Variants in RYR2 observed in about 807,000 individuals in gnomAD.
The protein encoded by RYR2 is cardiac muscle ryanodine receptor-calcium release channel.
In RYR2, 227 loss-of-function variants were observed where a neutral mutation model predicts 601.1. The observed-to-expected ratio is 0.38, with a 90% confidence interval of 0.34 to 0.42. RYR2 has a LOEUF of 0.42. Ranked by LOEUF, RYR2 falls within the 10% of genes least tolerant of loss-of-function variation. The pLI is 1.00. For missense variants in RYR2, 4,646 were observed against 6,156.5 expected (o/e 0.75, Z 8.21); for synonymous variants, 2,223 against 2,175.1 (o/e 1.02, Z -0.61).
chr1:237,621,284 A>C (rs1353545525), intron 38 of RYR2, among the ~76,000 whole-genome samples: 1 of 152,168 alleles, frequency 6.6e-6, no homozygotes, highest in Non-Finnish European at 1.5e-5. Flanking sequence ...AATTTCTAAC[A>C]CTCAATGCTT....
chr1:237,696,539 A>C (rs1260784746), intron 63 of RYR2, among the ~76,000 whole-genome samples: 1 of 79,916 alleles, frequency 1.3e-5, no homozygotes, highest in East Asian at 2.7e-4. Context: ...TGCACTGCAG[A>C]CTTTTTTTTT....
intron 58 of RYR2, among the ~76,000 whole-genome samples, chr1:237,669,418 T>G (rs1462739977): frequency 1.1e-4 from 16 of 150,984 alleles, no homozygotes; most frequent in South Asian, 8.5e-4. Flanking sequence ...GGTGGTGGCC[T>G]GGCAGAGGGG....
At position 237,314,230 on chromosome 1, in the gene RYR2, A is replaced by T. The variant is rs185111647; in HGVS notation, c.169-16648A>T. On this transcript the variant is annotated intron_variant, in intron 2 of 104. Transcript: ENST00000366574. ...CAGGCACCCGCAACCACGCCCAGCTAATTTTTTGTATTTTTATTAGAGACA... is the reference window on the plus strand; with the variant it reads ...CAGGCACCCGCAACCACGCCCAGCTTATTTTTTGTATTTTTATTAGAGACA... Among the ~76,000 whole-genome samples, 1,134 of 151,880 alleles carry T rather than the reference A, an allele frequency of 7.5e-3. 10 individuals are homozygous for T. The highest frequency in any genetic ancestry group is 0.025 in the African/African-American group (1,037 of 41,398).
intron 14 of RYR2, among the ~76,000 whole-genome samples, chr1:237,450,876 G>A (rs1658003182): frequency 6.6e-6 from 1 of 152,048 alleles, no homozygotes; most frequent in East Asian, 1.9e-4. Context: ...CCTTAATCAT[G>A]TATTAGCTTT....
chr1:237,082,814 C>G (rs546501273), intron 1 of RYR2, among the ~76,000 whole-genome samples: 2 of 152,152 alleles, frequency 1.3e-5, no homozygotes, highest in African/African-American at 4.8e-5. Flanking sequence ...TTTTCAGTCT[C>G]ACCTGCAGTG....
At chr1:237,296,830 T>C (rs1330655822) in intron 2 of RYR2, among the ~76,000 whole-genome samples, 1 of 152,188 alleles carries the variant, frequency 6.6e-6, no homozygotes, top group Non-Finnish European at 1.5e-5. Context: ...GCAGACACTT[T>C]TTTGAGTCTT....
intron 38 of RYR2, 88 bp from the exon 39 acceptor site, chr1:237,623,677 C>G: frequency 1.3e-6 from 1 of 776,398 alleles, no homozygotes; most frequent in Non-Finnish European, 2.1e-6. Context: ...CAGGCATGAG[C>G]CACTCCGCCC....
intron 1 of RYR2, among the ~76,000 whole-genome samples, chr1:237,167,612 A>T (rs897765403): frequency 3.9e-5 from 6 of 152,086 alleles, no homozygotes; most frequent in African/African-American, 9.7e-5. Context: ...TCTTTAAAAA[A>T]TTTTTTTGGA....
chr1:237,818,913 T>C (rs992016465), intron 100 of RYR2, 123 bp from the exon 101 acceptor site: 2 of 798,886 alleles, frequency 2.5e-6, no homozygotes, highest in Non-Finnish European at 2.0e-6. Context: ...AAAGAGGCAA[T>C]ATAGAATGCA....
chr1:237,219,554 A>G (rs1413887086), intron 1 of RYR2, among the ~76,000 whole-genome samples: 1 of 152,202 alleles, frequency 6.6e-6, no homozygotes, highest in Admixed American at 6.5e-5. Context: ...CTAACAAAGT[A>G]AAAATAACCT....
At chr1:237,526,125 A>G (rs1225679931) in intron 24 of RYR2, among the ~76,000 whole-genome samples, 4 of 152,108 alleles carry the variant, frequency 2.6e-5, no homozygotes, top group African/African-American at 9.7e-5. Context: ...GAACTAATTT[A>G]TGTTCCTACT....
intron 12 of RYR2, among the ~76,000 whole-genome samples, chr1:237,430,739 C>T (rs1706719023): frequency 6.6e-6 from 1 of 152,176 alleles, no homozygotes; most frequent in African/African-American, 2.4e-5. Flanking sequence ...TGGATTCCTA[C>T]AAATGGAAAT....
chr1:237,786,227 G>A (rs973960237), intron 91 of RYR2, among the ~76,000 whole-genome samples, 191 bp downstream of exon 91: 3 of 152,098 alleles, frequency 2.0e-5, no homozygotes, highest in Non-Finnish European at 4.4e-5. Flanking sequence ...CACTGTAGAC[G>A]CCCCCGGGGC....
intron 53 of RYR2, among the ~76,000 whole-genome samples, chr1:237,656,879 C>G (rs1170426681): frequency 6.6e-6 from 1 of 152,178 alleles, no homozygotes; most frequent in Non-Finnish European, 1.5e-5. Flanking sequence ...AGACCCTTTC[C>G]CCCATCCCCC....
chr1:237,564,626 A>T (rs1047874990), intron 27 of RYR2, among the ~76,000 whole-genome samples: 5 of 152,090 alleles, frequency 3.3e-5, no homozygotes, highest in African/African-American at 1.2e-4. Flanking sequence ...ATCTGATAGA[A>T]TTTTTTTCTC....
At chr1:237,544,417 G>GT (rs1195511959) in intron 25 of RYR2, among the ~76,000 whole-genome samples, 1 of 152,062 alleles carries the variant, frequency 6.6e-6, no homozygotes, top group African/African-American at 2.4e-5. Flanking sequence ...TGAGCTATAT[G>GT]TTTTTTGTAT....
chr1:237,415,995 T>C (rs1183370806), intron 10 of RYR2, among the ~76,000 whole-genome samples: 1 of 152,122 alleles, frequency 6.6e-6, no homozygotes, highest in Non-Finnish European at 1.5e-5. Context: ...TTTGAAACAT[T>C]CCACAATAAA....
chr1:237,577,289 A>G (rs1339189099), intron 29 of RYR2, among the ~76,000 whole-genome samples: 1 of 152,188 alleles, frequency 6.6e-6, no homozygotes, highest in Non-Finnish European at 1.5e-5. Context: ...CCAAAAGATA[A>G]CTATGGTAGG....
At chr1:237,313,612 C>G (rs1203795751) in intron 2 of RYR2, among the ~76,000 whole-genome samples, 1 of 152,156 alleles carries the variant, frequency 6.6e-6, no homozygotes, top group Non-Finnish European at 1.5e-5. Flanking sequence ...AGCCTAATTA[C>G]ACTAATTTCA....
Sources: gnomAD v4.1 joint callset for allele counts (sites outside exome capture counted in the v4.1 genomes callset) on GRCh38, gnomAD v4.1.1 for gene constraint, MANE v1.5 for transcripts, NCBI Gene and HGNC (gene_info 2026-07-23, HGNC 2026-07-21) for gene names.